Variants in MSANTD1 observed in about 807,000 individuals in gnomAD.
MSANTD1 encodes Myb/SANT DNA binding domain containing 1.
In MSANTD1, 7 loss-of-function variants were observed where a neutral mutation model predicts 24.2. The ratio of observed to expected loss-of-function variants is 0.29; its 90% confidence interval spans 0.16 to 0.54. The LOEUF (loss-of-function observed/expected upper bound fraction) is 0.54. Among genes scored for constraint, MSANTD1 ranks in the 20% least tolerant of loss-of-function variants. The probability of loss-of-function intolerance (pLI) is 0.94; values close to 1 mark genes in which losing one functional copy is unlikely to be tolerated. For synonymous variants in MSANTD1, 177 were observed against 181.1 expected (o/e 0.98, Z 0.18); for missense variants, 384 against 408.2 (o/e 0.94, Z 0.51).
At chr4:3,253,514 GGGGTATCTCA>G in intron 2 of MSANTD1, 32 bp downstream of exon 2, 1 of 1,472,304 alleles carries the variant, frequency 6.8e-7, no homozygotes, top group Non-Finnish European at 9.0e-7. Context: ...CCCCTGCCCT[GGGGTATCTCA>G]GCCCCCACCA....
chr4:3,254,789 C>T (rs1722337006), intron 2 of MSANTD1, among the ~76,000 whole-genome samples: 1 of 152,238 alleles, frequency 6.6e-6, no homozygotes, highest in Non-Finnish European at 1.5e-5. Context: ...GGGCCCCACA[C>T]CCTCTAGGTG....
Position 3,249,625 on chromosome 4 carries a change from A to C in MSANTD1, c.320+83A>C, listed in dbSNP as rs1722158029. On this transcript the variant is annotated intron_variant, in intron 1 of 2. Transcript: ENST00000438480. ...CGCTCCTGACTTTCTTGGAGCTCTG[A>C]GTCGGGACGATGTGTGGGTCGTGGC... 1.5e-6 allele frequency: 2 copies of C among 1,352,826 alleles called. 1 individual carries two copies. Among genetic ancestry groups the C allele is most frequent in the African/African-American group, 2.9e-5 (2 of 69,840 alleles). The allele number at this position is 1,352,826 out of a possible 1,614,324, so 83.8% of individuals were successfully genotyped here. A position where few individuals can be genotyped will look rare whatever the true frequency, so the allele number is the denominator to read the frequency against.
At position 3,249,431 on chromosome 4, in the gene MSANTD1, G is replaced by A. The variant is rs758687504; in HGVS notation, c.209G>A (p.Arg70His). The A allele has an allele frequency of 3.1e-6, 5 of 1,609,218 alleles. No homozygotes were observed. Among genetic ancestry groups the A allele is most frequent in the African/African-American group, 1.3e-5 (1 of 75,024 alleles). Residue 70 changes from arginine (R) to histidine (H), a missense_variant, in exon 1 of 3, where the codon CGC becomes CAC. By Grantham distance (29) the Arg-to-His change is conservative. Coordinates refer to ENST00000438480, the MANE Select transcript of MSANTD1 (RefSeq NM_001042690.2). Reference protein sequence around the residue: ...EFFDELKQTKRNAKVYEKMAS... With the variant: ...EFFDELKQTKHNAKVYEKMAS... ...TTCGACGAGCTCAAGCAGACCAAGC[G>A]CAACGCCAAGGTGTACGAGAAGATG...
chr4:3,251,439 G>A lies in MSANTD1; in HGVS notation c.321-1768G>A, dbSNP rs1283472597. Among the ~76,000 whole-genome samples, 5 of 152,166 alleles carry A rather than the reference G, an allele frequency of 3.3e-5. No individual in the cohort carries two copies. In the East Asian group the frequency reaches 9.7e-4, roughly 29 times the overall value. ...CCTCCACTCCAGACCCTGCAGTCTG[G>A]GCTGGCCAAGGGCTGCACCGGTGCA... On this transcript the variant is annotated intron_variant, in intron 1 of 2. Coordinates refer to ENST00000438480, the MANE Select transcript of MSANTD1 (RefSeq NM_001042690.2).
Position 3,249,232 on chromosome 4 carries a change from G to T in MSANTD1, c.10G>T (p.Gly4Trp). ...GCGGCGCCTCCCGCCCATGGTGCGT[G>T]GGGCCGGGCCGGGGCCCTCGCTGAG... MVR[G>W]AGPGPSLSAL... Residue 4 changes from glycine (G) to tryptophan (W), a missense_variant, in exon 1 of 3, where the codon GGG becomes TGG. Coordinates refer to ENST00000438480, the MANE Select transcript of MSANTD1 (RefSeq NM_001042690.2). 7.1e-7 allele frequency: 1 copy of T among 1,413,738 alleles called. No individual in the cohort carries two copies. The highest frequency in any genetic ancestry group is 9.2e-7 in the Non-Finnish European group (1 of 1,085,532). 87.6% of individuals were successfully genotyped at this position (1,413,738 alleles called of 1,614,324 possible).
upstream of MSANTD1, chr4:3,246,533 C>T (rs536213955): frequency 1.1e-5 from 6 of 570,206 alleles, no homozygotes; most frequent in South Asian, 2.2e-5. Context: ...CGCCCATGTC[C>T]CAGGTCTGCA....
At chr4:3,251,093 G>A (rs973006801) in intron 1 of MSANTD1, among the ~76,000 whole-genome samples, 1 of 152,258 alleles carries the variant, frequency 6.6e-6, no homozygotes, top group Admixed American at 6.5e-5. Flanking sequence ...GCGACGTGAG[G>A]GCTGAGGTGT....
At position 3,253,579 on chromosome 4, in the gene MSANTD1, ACAGTGGTTG is replaced by A. The variant is rs977432002; in HGVS notation, c.596+101_596+109del. ...AGTGGCAAGGCCGGCGGCGGCGGCCACAGTGGTTGCAGAGGCCGTGGCTGCGGGCAGCGC... is the reference window on the plus strand; with the variant it reads ...AGTGGCAAGGCCGGCGGCGGCGGCCACAGAGGCCGTGGCTGCGGGCAGCGC... On this transcript the variant is annotated intron_variant, in intron 2 of 2. Transcript: ENST00000438480. 2.5e-4 allele frequency: 326 copies of A among 1,295,534 alleles called. 4 individuals carry two copies. In the African/African-American group the frequency reaches 7.1e-3, roughly 28 times the overall value. The allele number at this position is 1,295,534 out of a possible 1,614,324, so 80.3% of individuals were successfully genotyped here.
At chr4:3,254,194 G>A (rs564988907) in intron 2 of MSANTD1, among the ~76,000 whole-genome samples, 7 of 152,304 alleles carry the variant, frequency 4.6e-5, no homozygotes, top group African/African-American at 1.7e-4. Flanking sequence ...GGCAAGAACA[G>A]GAAGATTGTG....
At chr4:3,246,773 C>A, upstream of MSANTD1, 2 of 630,578 alleles carry the variant, frequency 3.2e-6, no homozygotes, top group Non-Finnish European at 5.7e-6. Context: ...TTCTTGTCCT[C>A]ACATTGGAGG....
upstream of MSANTD1, chr4:3,245,460 G>A (rs1317263667): frequency 6.6e-6 from 1 of 152,546 alleles, no homozygotes; most frequent in Non-Finnish European, 1.5e-5. Flanking sequence ...AAGGGACTGG[G>A]TAGGGGGGCC....
At chr4:3,251,895 G>GGAT (rs1722241335) in intron 1 of MSANTD1, among the ~76,000 whole-genome samples, 1 of 152,120 alleles carries the variant, frequency 6.6e-6, no homozygotes, top group Non-Finnish European at 1.5e-5. Context: ...CAGAGGTTAG[G>GGAT]GATGGGCACC....
intron 1 of MSANTD1, among the ~76,000 whole-genome samples, chr4:3,251,050 G>T (rs1481805789): frequency 1.3e-5 from 2 of 152,252 alleles, no homozygotes; most frequent in East Asian, 1.9e-4. Context: ...AGGGTGCTGA[G>T]CATGACGGAT....
At chr4:3,247,290 C>A (rs1006848198), upstream of MSANTD1, among the ~76,000 whole-genome samples, 2 of 152,242 alleles carry the variant, frequency 1.3e-5, no homozygotes, top group Non-Finnish European at 2.9e-5. Context: ...CATGCTGAGT[C>A]GCTAGAGCTG....
chr4:3,255,108 G>T (rs893029621), intron 2 of MSANTD1, among the ~76,000 whole-genome samples: 1 of 152,236 alleles, frequency 6.6e-6, no homozygotes, highest in Non-Finnish European at 1.5e-5. Flanking sequence ...ATGCCCCTCT[G>T]CAGCCCAGAA....
Position 3,253,237 on chromosome 4 carries a change from C to T in MSANTD1, c.351C>T (p.Ser117=), listed in dbSNP as rs776594697. 7.5e-5 allele frequency: 118 copies of T among 1,578,388 alleles called. No individual in the cohort carries two copies. Among genetic ancestry groups the T allele is most frequent in the Middle Eastern group, 1.7e-4 (1 of 5,996 alleles). ...TAAAATGCATGACAGATAGCGAGTC[C>T]GCCCCGCCCGACTGGCCCTATTACC... ...RKLKCMTDSE[S]APPDWPYYLA... is the part of the protein sequence containing the mutation. The change falls in exon 2 of 3, where the codon TCC becomes TCT. Residue 117 remains serine, a synonymous_variant. Transcript: ENST00000438480.
chr4:3,252,268 C>T (rs967962273), intron 1 of MSANTD1, among the ~76,000 whole-genome samples: 1 of 152,244 alleles, frequency 6.6e-6, no homozygotes, highest in Non-Finnish European at 1.5e-5. Flanking sequence ...TGTCTGGCCG[C>T]CATGGGGCCC....
At position 3,249,903 on chromosome 4, in the gene MSANTD1, A is replaced by C. The variant is rs189537224; in HGVS notation, c.320+361A>C. On this transcript the variant is annotated intron_variant, in intron 1 of 2. Transcript: ENST00000438480. ...GGCAGCAACACTCATGGTGGTGCCC[A>C]CTGACCTCACACCCTGCTCCCCCAT... 2.6e-4 allele frequency among the ~76,000 whole-genome samples: 39 copies of C among 152,206 alleles called. No homozygotes were observed. The East Asian group carries it at 7.2e-3, about 28-fold the overall frequency.
chr4:3,245,646 G>A (rs929440135), upstream of MSANTD1, among the ~76,000 whole-genome samples: 2 of 152,312 alleles, frequency 1.3e-5, no homozygotes, highest in East Asian at 1.9e-4. Flanking sequence ...AGGTGGACCC[G>A]GCCTTGTGTC....
Sources: gnomAD v4.1 joint callset for allele counts (sites outside exome capture counted in the v4.1 genomes callset) on GRCh38, gnomAD v4.1.1 for gene constraint, MANE v1.5 for transcripts, NCBI Gene and HGNC (gene_info 2026-07-23, HGNC 2026-07-21) for gene names.